Variants in PLS3 observed in about 807,000 individuals in gnomAD.
PLS3 encodes the protein plastin-3.
A neutral mutation model predicts 46.5 loss-of-function variants in PLS3; 11 were observed. That is an observed-to-expected ratio of 0.24 (90% CI 0.15 to 0.39). PLS3 has a LOEUF of 0.39. PLS3 is among the 10% of genes least tolerant of loss of function. PLS3 has a pLI of 1.00. For synonymous variants in PLS3, 167 were observed against 162.2 expected, an observed-to-expected ratio of 1.03 and a Z score of -0.22; for missense variants, 308 against 461.8, an observed-to-expected ratio of 0.67 and a Z score of 3.05.
chrX:115,638,868 A>G (rs1490187086), intron 8 of PLS3, among the ~76,000 whole-genome samples: 1 of 108,758 alleles, frequency 9.2e-6, no homozygotes, highest in Admixed American at 9.9e-5. Context: ...ACCCGCCACC[A>G]TGCCTGGCTA....
At chrX:115,573,290 T>G (rs2074228373) in intron 1 of PLS3, among the ~76,000 whole-genome samples, 1 of 111,534 alleles carries the variant, frequency 9.0e-6, no homozygotes, top group African/African-American at 3.3e-5. Flanking sequence ...TTGCAATAAT[T>G]ATTGCATACC....
At chrX:115,572,087 G>A (rs1186249029) in intron 1 of PLS3, among the ~76,000 whole-genome samples, 1 of 111,768 alleles carries the variant, frequency 8.9e-6, no homozygotes, top group African/African-American at 3.2e-5. Flanking sequence ...GTAACTAACA[G>A]AAAAGTAATA....
At chrX:115,607,290 A>C (rs1314754991) in intron 1 of PLS3, among the ~76,000 whole-genome samples, 8 of 1,675 alleles carry the variant, frequency 4.8e-3, no homozygotes, top group African/African-American at 5.2e-3. Context: ...ACAACAACAA[A>C]AAAAAAACCC....
chrX:115,641,879 A>G (rs782257053), intron 9 of PLS3, among the ~76,000 whole-genome samples: 26 of 109,674 alleles, frequency 2.4e-4, no homozygotes, highest in East Asian at 8.7e-4. Flanking sequence ...CACTCACCCT[A>G]CAAATCTTGC....
chrX:115,575,348 G>A (rs907279436), intron 1 of PLS3, among the ~76,000 whole-genome samples: 1 of 112,179 alleles, frequency 8.9e-6, no homozygotes, highest in Non-Finnish European at 1.9e-5. Flanking sequence ...GTTAGAGGTG[G>A]TGCTGACAAG....
intron 8 of PLS3, among the ~76,000 whole-genome samples, chrX:115,639,957 T>G (rs782336999): frequency 8.9e-6 from 1 of 112,361 alleles, no homozygotes; most frequent in African/African-American, 3.2e-5. Flanking sequence ...AATTTACAAT[T>G]AAATACATCT....
intron 15 of PLS3, among the ~76,000 whole-genome samples, chrX:115,649,023 A>G (rs1416474845): frequency 9.1e-6 from 1 of 110,004 alleles, no homozygotes; most frequent in East Asian, 2.8e-4. Flanking sequence ...CTGCCTAACA[A>G]CTTGGGTTTT....
At chrX:115,636,300 G>A (rs940448159) in intron 7 of PLS3, among the ~76,000 whole-genome samples, 1 of 102,436 alleles carries the variant, frequency 9.8e-6, no homozygotes, top group Non-Finnish European at 1.9e-5. Flanking sequence ...TCCACCTCCC[G>A]GGTTCACGCC....
rs2074817117 is a variant in PLS3, at chrX:115,635,088, T to G, written c.748+42T>G. 4 of 1,109,153 alleles carry G rather than the reference T, an allele frequency of 3.6e-6. No individual in the cohort carries two copies. In the East Asian group the frequency reaches 1.2e-4, roughly 33 times the overall value. 91.4% of individuals were successfully genotyped at this position (1,109,153 alleles called of 1,213,427 possible). A position where few individuals can be genotyped will look rare whatever the true frequency, so the allele number is the denominator to read the frequency against. On this transcript the variant is annotated intron_variant, in intron 7 of 15. Transcript: ENST00000355899. ...ATTCTGGCAGTTGTTTATTGGTTAT[T>G]TTTTTCTAGTCATGCAGACTTTCGT...
intron 8 of PLS3, among the ~76,000 whole-genome samples, chrX:115,638,965 C>T (rs5987762): frequency 0.2 from 22,382 of 110,143 alleles, 2,082 homozygotes; most frequent in South Asian, 0.45. Context: ...CTGCCTACCT[C>T]GGCCTCCCAA....
At chrX:115,604,402 C>T (rs1203860663) in intron 1 of PLS3, among the ~76,000 whole-genome samples, 1 of 111,970 alleles carries the variant, frequency 8.9e-6, no homozygotes, top group Admixed American at 9.5e-5. Context: ...AATATGCTGT[C>T]ATACATACCA....
chrX:115,597,009 G>A (rs1056233108), intron 1 of PLS3, among the ~76,000 whole-genome samples: 2 of 108,580 alleles, frequency 1.8e-5, no homozygotes, highest in South Asian at 8.4e-4. Flanking sequence ...GCCAGGCATG[G>A]TGGTGGGCGC....
intron 1 of PLS3, among the ~76,000 whole-genome samples, chrX:115,569,583 G>A (rs1179761264): frequency 8.9e-6 from 1 of 111,794 alleles, no homozygotes; most frequent in East Asian, 2.8e-4. Flanking sequence ...TTTGTGCCTG[G>A]TTTCAGTATA....
At position 115,600,295 on chromosome X, in the gene PLS3, T is replaced by A. The variant is rs1032753922; in HGVS notation, c.-8-9948T>A. On this transcript the variant is annotated intron_variant, in intron 1 of 15. Coordinates refer to ENST00000355899, the MANE Select transcript of PLS3 (RefSeq NM_005032.7). ...GGCCACCATGCTGGCTGATTTAATT[T>A]TTTTTTTTTTTTTAAGAGAAGGAGT... Among the ~76,000 whole-genome samples the A allele has an allele frequency of 6.4e-5, 7 of 108,946 alleles. 1 individual carries two copies. The Middle Eastern group carries it at 0.014, about 215-fold the overall frequency. 94.6% of individuals were successfully genotyped at this position (108,946 alleles called of 115,157 possible). A position where few individuals can be genotyped will look rare whatever the true frequency, so the allele number is the denominator to read the frequency against.
chrX:115,622,531 C>CTA, intron 3 of PLS3, 122 bp downstream of exon 3: 1 of 396,058 alleles, frequency 2.5e-6, no homozygotes, highest in African/African-American at 2.6e-5. Flanking sequence ...ACTGTTATAA[C>CTA]ATTTCTGTCA....
chrX:115,646,864 C>T (rs782394252), intron 13 of PLS3, among the ~76,000 whole-genome samples: 1 of 112,160 alleles, frequency 8.9e-6, no homozygotes, highest in African/African-American at 3.2e-5. Context: ...AAATAAAGAT[C>T]TCTCTCTGTA....
At chrX:115,596,465 A>G (rs2074390074) in intron 1 of PLS3, among the ~76,000 whole-genome samples, 1 of 111,790 alleles carries the variant, frequency 8.9e-6, no homozygotes, top group African/African-American at 3.2e-5. Flanking sequence ...CATCACGCTG[A>G]AAGCTGAAAA....
Position 115,650,034 on chromosome X carries a change from G to A in PLS3, c.*473G>A, listed in dbSNP as rs2074987989. On this transcript the variant is annotated 3_prime_UTR_variant, in exon 16 of 16. Transcript: ENST00000355899. ...ATATGAGTATCCTTTGCTTATCTTT[G>A]TAGTACTGAAAATTTGCCGAAGTAA... 8.9e-6 allele frequency: 1 copy of A among 112,651 alleles called. No homozygotes were observed. The highest frequency in any genetic ancestry group is 3.2e-5 in the African/African-American group (1 of 30,967). The allele number at this position is 112,651 out of a possible 1,213,427, so 9.3% of individuals were successfully genotyped here.
intron 1 of PLS3, among the ~76,000 whole-genome samples, chrX:115,579,009 A>G (rs1556631549): frequency 9.0e-6 from 1 of 111,270 alleles, no homozygotes; most frequent in African/African-American, 3.3e-5. Flanking sequence ...AATGAGTTTC[A>G]TTACCAGTAG....
Sources: allele counts gnomAD v4.1 joint callset (sites outside exome capture counted in the v4.1 genomes callset), GRCh38; gene constraint gnomAD v4.1.1; transcripts MANE v1.5; gene names NCBI Gene and HGNC (gene_info 2026-07-23, HGNC 2026-07-21).